The following FILIP1 variants were observed in gnomAD, a reference collection of about 807,000 sequenced individuals.
The protein encoded by FILIP1 is filamin A interacting protein 1.
Under a neutral mutation model 102.1 loss-of-function variants are expected in FILIP1, and 61 were observed. The observed-to-expected ratio is 0.60, with a 90% CI of 0.49 to 0.74. The LOEUF (loss-of-function observed/expected upper bound fraction) is 0.74, where lower values mean the gene tolerates loss of function less well. Ranked by LOEUF, FILIP1 falls within the 30% of genes least tolerant of loss-of-function variation. The probability of loss-of-function intolerance (pLI) is 0.00; values close to 1 mark genes in which losing one functional copy is unlikely to be tolerated. For missense variants in FILIP1, 1,314 were observed against 1,441.2 expected (o/e 0.91, Z 1.43); for synonymous variants, 491 against 526.9 (o/e 0.93, Z 0.93).
At chr6:75,389,949 AG>A (rs1776227769) in intron 2 of FILIP1, among the ~76,000 whole-genome samples, 1 of 152,122 alleles carries the variant, frequency 6.6e-6, no homozygotes, top group Non-Finnish European at 1.5e-5. Context: ...CCTTGCTCTA[AG>A]GTAGTTATTC....
rs1368644890 is a variant in FILIP1 at position 75,350,965 on chromosome 6, G to GTAGA, written c.629+2570_629+2573dup. Among the ~76,000 whole-genome samples the GTAGA allele has an allele frequency of 2.0e-5, 3 of 152,292 alleles. No individual in the cohort carries two copies. The East Asian group carries it at 5.8e-4, about 29-fold the overall frequency. On this transcript the variant is annotated intron_variant, in intron 4 of 5. Transcript: ENST00000237172. ...CAGGACACCTAACCAGATGATTGTTGTAGATAGCCTTGTGCCACATAACGA... is the reference window on the plus strand; with the variant it reads ...CAGGACACCTAACCAGATGATTGTTGTAGATAGATAGCCTTGTGCCACATAACGA...
At chr6:75,482,792 A>G (rs1474477778) in intron 1 of FILIP1, among the ~76,000 whole-genome samples, 2 of 152,220 alleles carry the variant, frequency 1.3e-5, no homozygotes, top group African/African-American at 4.8e-5. Context: ...TCAAGGAAAC[A>G]TTATGTTCAC....
chr6:75,383,444 C>T (rs186583112), intron 2 of FILIP1, among the ~76,000 whole-genome samples: 155 of 152,236 alleles, frequency 1.0e-3, no homozygotes, highest in African/African-American at 3.5e-3. Flanking sequence ...ATTATCTCTT[C>T]AGACCTACCA....
chr6:75,356,431 G>A (rs1775001802), intron 3 of FILIP1, among the ~76,000 whole-genome samples: 1 of 151,868 alleles, frequency 6.6e-6, no homozygotes, highest in Non-Finnish European at 1.5e-5. Context: ...ATCAGGAATT[G>A]CTAATTGTAT....
intron 1 of FILIP1, among the ~76,000 whole-genome samples, chr6:75,484,722 C>A (rs1779736470): frequency 6.6e-6 from 1 of 152,154 alleles, no homozygotes; most frequent in Non-Finnish European, 1.5e-5. Context: ...GAGGTTTCCA[C>A]TCCTTTTGGT....
intron 2 of FILIP1, among the ~76,000 whole-genome samples, chr6:75,400,739 T>C (rs1776628656): frequency 6.6e-6 from 1 of 151,568 alleles, no homozygotes; most frequent in Admixed American, 6.6e-5. Flanking sequence ...GAGGGAAGGG[T>C]AGGAGATATG....
rs138379131 is a variant in FILIP1 at position 75,381,391 on chromosome 6, G to A, written c.277-18474C>T. On this transcript the variant is annotated intron_variant, in intron 2 of 5. Transcript: ENST00000237172. ...ATTACAGGCGCGTGCCACCACGCCC[G>A]GCTAATTTTTGTATTTTTAGTAGAG... Among the ~76,000 whole-genome samples, 1,074 of 152,016 alleles carry A rather than the reference G, an allele frequency of 7.1e-3. 9 individuals carry two copies. Among genetic ancestry groups the A allele is most frequent in the African/African-American group, 0.025 (1,031 of 41,464 alleles).
intron 1 of FILIP1, among the ~76,000 whole-genome samples, chr6:75,448,271 C>G (rs2149731104): frequency 6.6e-6 from 1 of 152,244 alleles, no homozygotes; most frequent in East Asian, 1.9e-4. Context: ...CAGAAGCCTT[C>G]TCAATACATC....
At chr6:75,330,618 G>T (rs939748672) in intron 4 of FILIP1, among the ~76,000 whole-genome samples, 1 of 152,072 alleles carries the variant, frequency 6.6e-6, no homozygotes, top group East Asian at 1.9e-4. Context: ...AGATCCTGTA[G>T]TTATATTTAT....
At chr6:75,345,366 T>C (rs1774542085) in intron 4 of FILIP1, among the ~76,000 whole-genome samples, 1 of 152,038 alleles carries the variant, frequency 6.6e-6, no homozygotes, top group African/African-American at 2.4e-5. Context: ...TTTTTTTTTT[T>C]TTCTAACAAA....
At chr6:75,395,911 T>A (rs1296726916) in intron 2 of FILIP1, among the ~76,000 whole-genome samples, 1 of 152,100 alleles carries the variant, frequency 6.6e-6, no homozygotes, top group Non-Finnish European at 1.5e-5. Flanking sequence ...AGTAGGTGTT[T>A]GTATGGAGAG....
At chr6:75,333,885 A>G (rs1206690545) in intron 4 of FILIP1, among the ~76,000 whole-genome samples, 1 of 152,134 alleles carries the variant, frequency 6.6e-6, no homozygotes, top group Non-Finnish European at 1.5e-5. Context: ...TCCAAACTTT[A>G]CTCTCATTCC....
At chr6:75,331,180 G>A (rs1582356127) in intron 4 of FILIP1, among the ~76,000 whole-genome samples, 1 of 152,124 alleles carries the variant, frequency 6.6e-6, no homozygotes. Flanking sequence ...TATATATGTT[G>A]TAAAATAAAT....
At chr6:75,382,160 T>C (rs908747071) in intron 2 of FILIP1, among the ~76,000 whole-genome samples, 6 of 152,274 alleles carry the variant, frequency 3.9e-5, no homozygotes, top group Admixed American at 3.9e-4. Flanking sequence ...TTTTGAGCAT[T>C]GTTATCTTTT....
chr6:75,462,510 C>T (rs2149752343), intron 1 of FILIP1, among the ~76,000 whole-genome samples: 1 of 151,986 alleles, frequency 6.6e-6, no homozygotes, highest in African/African-American at 2.4e-5. Flanking sequence ...ATAAATCTTG[C>T]TGATAATAAA....
chr6:75,325,857 T>C (rs1431051127), intron 4 of FILIP1, among the ~76,000 whole-genome samples: 1 of 152,148 alleles, frequency 6.6e-6, no homozygotes, highest in Non-Finnish European at 1.5e-5. Flanking sequence ...GAAGCTTCCT[T>C]AAAGAACTAA....
chr6:75,362,671 A>C, intron 3 of FILIP1, 73 bp downstream of exon 3: 4 of 1,467,708 alleles, frequency 2.7e-6, no homozygotes, highest in Non-Finnish European at 3.7e-6. Context: ...ATGTTAAAGC[A>C]TGTAAATGGA....
chr6:75,315,855 A>C (rs1002038375), intron 4 of FILIP1, among the ~76,000 whole-genome samples: 1 of 152,254 alleles, frequency 6.6e-6, no homozygotes. Context: ...GGTTCAGAAA[A>C]GAAGCAGCTT....
intron 1 of FILIP1, among the ~76,000 whole-genome samples, chr6:75,425,954 G>A (rs1777611264): frequency 6.6e-6 from 1 of 152,092 alleles, no homozygotes; most frequent in Non-Finnish European, 1.5e-5. Flanking sequence ...CTAGCACAGG[G>A]GTTGGCAAAC....
Sources: allele counts gnomAD v4.1 joint callset (sites outside exome capture counted in the v4.1 genomes callset), GRCh38; gene constraint gnomAD v4.1.1; transcripts MANE v1.5; gene names NCBI Gene and HGNC (gene_info 2026-07-23, HGNC 2026-07-21).